ROBO2: variants seen among roughly 807,000 people sequenced by gnomAD.
The protein encoded by ROBO2 is roundabout guidance receptor 2.
ROBO2 carries 53 observed loss-of-function variants against 160.8 expected under a neutral mutation model. The ratio of observed to expected loss-of-function variants is 0.33; its 90% CI spans 0.26 to 0.41. ROBO2 has a LOEUF of 0.41. Among genes scored for constraint, ROBO2 ranks in the 10% least tolerant of loss-of-function variants. The probability of loss-of-function intolerance (pLI) is 1.00; values close to 1 mark genes in which losing one functional copy is unlikely to be tolerated. For synonymous variants in ROBO2, 664 were observed against 611.7 expected, an observed-to-expected ratio of 1.09 and a Z score of -1.26; for missense variants, 1,577 against 1,722.4, an observed-to-expected ratio of 0.92 and a Z score of 1.49.
rs1560492976 is a variant in ROBO2, at chr3:77,305,164, A to AT, written c.389-172246dup. Among the ~76,000 whole-genome samples, 6 of 152,200 alleles carry AT rather than the reference A, an allele frequency of 3.9e-5. No individual in the cohort carries two copies. The South Asian group carries it at 8.3e-4, about 21-fold the overall frequency. On this transcript the variant is annotated intron_variant, in intron 2 of 25. Transcript: ENST00000461745. Reference sequence around the variant, plus strand: ...ACGATTTTTCTTTTATTTTAGGGAGATTTTCACTCTTGTTTTGTAACATTT... The same window carrying AT: ...ACGATTTTTCTTTTATTTTAGGGAGATTTTTCACTCTTGTTTTGTAACATTT...
At chr3:76,851,382 T>C (rs905673786) in intron 2 of ROBO2, among the ~76,000 whole-genome samples, 27 of 152,200 alleles carry the variant, frequency 1.8e-4, no homozygotes, top group African/African-American at 5.1e-4. Context: ...CTCTGGATGA[T>C]GTTAAATACT....
At chr3:75,998,538 G>A in intron 2 of ROBO2, among the ~76,000 whole-genome samples, 1 of 152,162 alleles carries the variant, frequency 6.6e-6, no homozygotes. Flanking sequence ...GGCCTGCAAA[G>A]CTAAGATAAA....
At chr3:76,067,416 C>G (rs1191935426) in intron 2 of ROBO2, among the ~76,000 whole-genome samples, 1 of 151,920 alleles carries the variant, frequency 6.6e-6, no homozygotes, top group Non-Finnish European at 1.5e-5. Flanking sequence ...GATTGGCAAC[C>G]AAATTTAGTC....
At chr3:76,434,729 T>C (rs1169810361) in intron 2 of ROBO2, 3 of 1,088,184 alleles carry the variant, frequency 2.8e-6, no homozygotes, top group African/African-American at 3.1e-5. Flanking sequence ...CCCCAGTCTC[T>C]ACCAGTTGAG....
chr3:76,300,165 G>T (rs1025207270), intron 2 of ROBO2, among the ~76,000 whole-genome samples: 1 of 152,066 alleles, frequency 6.6e-6, no homozygotes, highest in Non-Finnish European at 1.5e-5. Context: ...CTGTGGGAAA[G>T]AATTCATTTG....
chr3:77,075,410 C>A (rs916820857), intron 1 of ROBO2, among the ~76,000 whole-genome samples: 1 of 151,968 alleles, frequency 6.6e-6, no homozygotes, highest in African/African-American at 2.4e-5. Context: ...TAGACACTAC[C>A]TGTTGAGATT....
chr3:77,301,645 T>C (rs527675475), intron 2 of ROBO2, among the ~76,000 whole-genome samples: 1 of 152,252 alleles, frequency 6.6e-6, no homozygotes, highest in African/African-American at 2.4e-5. Context: ...TCTGAAAAGT[T>C]AGGCATAAAC....
chr3:77,635,003 A>T, exon 24 of ROBO2: 1 of 1,614,192 alleles, frequency 6.2e-7, no homozygotes, highest in Non-Finnish European at 8.5e-7. Context: ...GGATGGACCA[A>T]CAACCAGCAT....
chr3:77,550,814 A>G lies in ROBO2; in HGVS notation c.1060-4A>G. 6.2e-7 allele frequency: 1 copy of G among 1,612,748 alleles called. No homozygotes were observed. Among genetic ancestry groups the G allele is most frequent in the Non-Finnish European group, 8.5e-7 (1 of 1,179,218 alleles). On this transcript the variant is annotated splice_polypyrimidine_tract_variant and splice_region_variant and intron_variant, in intron 7 of 25. Coordinates refer to ENST00000461745, the Ensembl canonical transcript of ROBO2. Reference sequence around the variant, plus strand: ...TATTGATGAGATTGTGCTTGCTTCCACAGAACCTACTTTTCCCAAACCAAC... The same window carrying G: ...TATTGATGAGATTGTGCTTGCTTCCGCAGAACCTACTTTTCCCAAACCAAC...
At chr3:76,177,761 G>T (rs1032627684) in intron 2 of ROBO2, among the ~76,000 whole-genome samples, 1 of 151,952 alleles carries the variant, frequency 6.6e-6, no homozygotes, top group African/African-American at 2.4e-5. Flanking sequence ...TTTTATTGTC[G>T]GACACTGACA....
intron 2 of ROBO2, among the ~76,000 whole-genome samples, chr3:76,423,506 T>C (rs1190165148): frequency 6.6e-6 from 1 of 151,976 alleles, no homozygotes; most frequent in East Asian, 1.9e-4. Flanking sequence ...GAGGCAAAAG[T>C]GTGACAATAT....
chr3:77,065,274 G>A (rs1181457858), intron 1 of ROBO2, among the ~76,000 whole-genome samples: 2 of 152,096 alleles, frequency 1.3e-5, no homozygotes, highest in Non-Finnish European at 2.9e-5. Flanking sequence ...AAATAACAGA[G>A]TCAGTCAGAT....
chr3:76,832,241 A>G (rs1230952769), intron 2 of ROBO2, among the ~76,000 whole-genome samples: 6 of 152,210 alleles, frequency 3.9e-5, no homozygotes, highest in Non-Finnish European at 7.3e-5. Context: ...TATTGAACTA[A>G]TTTTCAATTT....
chr3:77,460,952 T>C (rs1310116020), intron 2 of ROBO2, among the ~76,000 whole-genome samples: 1 of 152,166 alleles, frequency 6.6e-6, no homozygotes, highest in African/African-American at 2.4e-5. Flanking sequence ...CGCTGTTGTA[T>C]GGAAGTCTTA....
intron 2 of ROBO2, among the ~76,000 whole-genome samples, chr3:76,748,612 T>G (rs566510114): frequency 6.6e-6 from 1 of 151,856 alleles, no homozygotes; most frequent in Admixed American, 6.6e-5. Context: ...GTAATTTAAT[T>G]TAAATGGGAC....
At chr3:76,343,231 C>G (rs2074334364) in intron 2 of ROBO2, among the ~76,000 whole-genome samples, 2 of 152,146 alleles carry the variant, frequency 1.3e-5, no homozygotes, top group South Asian at 4.2e-4. Context: ...TATTAGTACT[C>G]TCTATCCAAG....
intron 2 of ROBO2, among the ~76,000 whole-genome samples, chr3:77,409,549 A>T (rs2076530861): frequency 6.6e-6 from 1 of 151,928 alleles, no homozygotes; most frequent in African/African-American, 2.4e-5. Flanking sequence ...AGCTGGGGGG[A>T]TGAGTGCCCC....
At chr3:77,324,852 C>A (rs994122304) in intron 2 of ROBO2, among the ~76,000 whole-genome samples, 30 of 150,234 alleles carry the variant, frequency 2.0e-4, no homozygotes, top group African/African-American at 6.9e-4. Flanking sequence ...TAAACTAGCG[C>A]GTGTTTCCTG....
intron 24 of ROBO2, among the ~76,000 whole-genome samples, chr3:77,640,127 T>TTTTTTTTTTTTTTTTTTTTTTTTTTC (rs2095327628): frequency 1.2e-5 from 1 of 83,688 alleles, no homozygotes. Flanking sequence ...TTTTTTTTTT[T>TTTTTTTTTTTTTTTTTTTTTTTTTTC]TTGAGACGGA....
Sources: allele counts gnomAD v4.1 joint callset (sites outside exome capture counted in the v4.1 genomes callset), GRCh38; gene constraint gnomAD v4.1.1; transcripts MANE v1.5; gene names NCBI Gene and HGNC (gene_info 2026-07-23, HGNC 2026-07-21).